Variants in SPATA6 observed in about 807,000 individuals in gnomAD.
SPATA6 encodes spermatogenesis-associated protein 6.
In SPATA6, 56 loss-of-function variants were observed where a neutral mutation model predicts 65.3. The ratio of observed to expected loss-of-function variants is 0.86; its 90% CI spans 0.69 to 1.07. The LOEUF is 1.07. SPATA6 is among the 50% of genes least tolerant of loss of function. The pLI, the probability that SPATA6 is intolerant of heterozygous loss-of-function variation, is 0.00. For synonymous variants in SPATA6, 199 were observed against 213.2 expected, an observed-to-expected ratio of 0.93 and a Z score of 0.58; for missense variants, 590 against 594.8, an observed-to-expected ratio of 0.99 and a Z score of 0.08.
At position 48,297,881 on chromosome 1, in the gene SPATA6, T is replaced by C. The variant is rs1236565362; in HGVS notation, c.*832A>G. On this transcript the variant is annotated 3_prime_UTR_variant, in exon 13 of 13. Transcript: ENST00000371847. ...GATACTATAATAGTGCCTTGGGCCA[T>C]ATGGTACTTACACAAATTCCAAGCA... The C allele has an allele frequency of 6.6e-6, 1 of 152,112 alleles. No individual in the cohort carries two copies. The highest frequency in any genetic ancestry group is 2.4e-5 in the African/African-American group (1 of 41,436). The allele number at this position is 152,112 out of a possible 1,614,324, so 9.4% of individuals were successfully genotyped here. A position where few individuals can be genotyped will look rare whatever the true frequency, so the allele number is the denominator to read the frequency against.
Position 48,360,587 on chromosome 1 carries a change from G to A in SPATA6, c.910-817C>T, listed in dbSNP as rs539857091. Among the ~76,000 whole-genome samples, 4 of 152,262 alleles carry A rather than the reference G, an allele frequency of 2.6e-5. No homozygotes were observed. In the South Asian group the frequency reaches 6.2e-4, roughly 24 times the overall value. ...CTTGATATTAGCAAGGGAGCCAGTG[G>A]AGCTCGACTGGGTAGTAAGAAATGA... On this transcript the variant is annotated intron_variant, in intron 9 of 12. Coordinates refer to ENST00000371847, the MANE Select transcript of SPATA6 (RefSeq NM_019073.4).
chr1:48,419,986 T>C (rs1212987955), intron 3 of SPATA6, among the ~76,000 whole-genome samples: 1 of 152,136 alleles, frequency 6.6e-6, no homozygotes, highest in African/African-American at 2.4e-5. Flanking sequence ...TGTATGCCAA[T>C]ACTGACTGAT....
intron 11 of SPATA6, among the ~76,000 whole-genome samples, chr1:48,316,847 C>T (rs1281682092): frequency 1.3e-5 from 2 of 151,760 alleles, no homozygotes; most frequent in Non-Finnish European, 2.9e-5. Context: ...AAAAAAACAA[C>T]CCCATCAAAA....
At chr1:48,263,327 T>G in the SPATA6 span, 1 of 98,528 alleles carries the variant, frequency 1.0e-5, no homozygotes, top group South Asian at 3.3e-4. Flanking sequence ...CAGCTGAAAT[T>G]GGAGTTTTTT....
intron 11 of SPATA6, among the ~76,000 whole-genome samples, chr1:48,343,659 T>C (rs1222103918): frequency 6.6e-6 from 1 of 152,118 alleles, no homozygotes. Context: ...TAGATCTCAA[T>C]TTAAAGGTAC....
intron 11 of SPATA6, among the ~76,000 whole-genome samples, chr1:48,343,976 A>T (rs1190542838): frequency 6.6e-6 from 1 of 152,152 alleles, no homozygotes; most frequent in Non-Finnish European, 1.5e-5. Flanking sequence ...GGAAATAAAG[A>T]ATATAGAACA....
intron 11 of SPATA6, among the ~76,000 whole-genome samples, chr1:48,307,033 T>G (rs191306310): frequency 2.8e-3 from 419 of 152,006 alleles, no homozygotes; most frequent in African/African-American, 8.5e-3. Flanking sequence ...ATCTTTTTCT[T>G]GAATGGCATA....
chr1:48,417,470 T>C (rs1182143103), intron 3 of SPATA6, among the ~76,000 whole-genome samples: 2 of 152,114 alleles, frequency 1.3e-5, no homozygotes, highest in Non-Finnish European at 2.9e-5. Flanking sequence ...CAAATCACAA[T>C]GTATGGAATT....
rs75387339 is a variant in SPATA6 at position 48,466,050 on chromosome 1, A to G, written c.51+5908T>C. Among the ~76,000 whole-genome samples, 1,304 of 152,232 alleles carry G rather than the reference A, an allele frequency of 8.6e-3. 21 individuals are homozygous for G. Among genetic ancestry groups the G allele is most frequent in the African/African-American group, 0.03 (1,263 of 41,536 alleles). ...CACAGGACTCCCCAACCACTGTGAC[A>G]AACAAAAGTAGTCTAGTCAATTTGT... On this transcript the variant is annotated intron_variant, in intron 1 of 12. Coordinates refer to ENST00000371847, the MANE Select transcript of SPATA6 (RefSeq NM_019073.4).
chr1:48,447,001 G>A (rs1262277611), intron 3 of SPATA6, among the ~76,000 whole-genome samples: 2 of 152,076 alleles, frequency 1.3e-5, no homozygotes, highest in African/African-American at 4.8e-5. Flanking sequence ...CTGCTAACAT[G>A]AGGATGATGA....
intron 4 of SPATA6, among the ~76,000 whole-genome samples, chr1:48,412,872 G>A (rs1377918642): frequency 2.0e-5 from 3 of 152,138 alleles, no homozygotes; most frequent in East Asian, 1.9e-4. Flanking sequence ...GCCTGCCTCA[G>A]CCTCCCAAAG....
At chr1:48,323,376 C>A (rs1645655696) in intron 11 of SPATA6, among the ~76,000 whole-genome samples, 2 of 147,754 alleles carry the variant, frequency 1.4e-5, no homozygotes, top group Middle Eastern at 3.4e-3. Context: ...AATGAGAACA[C>A]ATGGACACAG....
chr1:48,401,225 T>A (rs1336948916), intron 6 of SPATA6, among the ~76,000 whole-genome samples: 3 of 152,044 alleles, frequency 2.0e-5, no homozygotes, highest in Non-Finnish European at 4.4e-5. Context: ...TAATATCTCT[T>A]ACCTCCAGAC....
intron 7 of SPATA6, among the ~76,000 whole-genome samples, chr1:48,397,255 G>C (rs1402430564): frequency 6.6e-6 from 1 of 151,714 alleles, no homozygotes; most frequent in Non-Finnish European, 1.5e-5. Context: ...CCATTTAGGA[G>C]ATGAAGAAAT....
intron 11 of SPATA6, among the ~76,000 whole-genome samples, chr1:48,347,591 A>T (rs1347359528): frequency 6.7e-6 from 1 of 150,174 alleles, no homozygotes; most frequent in Non-Finnish European, 1.5e-5. Context: ...ATATATTTTA[A>T]CTTTGCTAAA....
intron 3 of SPATA6, among the ~76,000 whole-genome samples, chr1:48,427,434 CAAAAAA>C (rs760835892): frequency 7.0e-4 from 47 of 67,622 alleles, no homozygotes; most frequent in South Asian, 3.3e-3. Flanking sequence ...AAAATTGAGG[CAAAAAA>C]AAAAAAAAAA....
chr1:48,312,934 A>G (rs1557543163), intron 11 of SPATA6, among the ~76,000 whole-genome samples: 1 of 152,240 alleles, frequency 6.6e-6, no homozygotes, highest in East Asian at 1.9e-4. Flanking sequence ...ATCAACTGTA[A>G]GAAAGGGCAT....
the SPATA6 span, among the ~76,000 whole-genome samples, chr1:48,277,319 C>G: frequency 7.2e-5 from 11 of 152,238 alleles, no homozygotes; most frequent in South Asian, 6.2e-4. Context: ...GAGTGCCAGA[C>G]AGTGGGTGCA....
rs1400656072 is a variant in SPATA6, at chr1:48,413,492, C to T, written c.239-341G>A. On this transcript the variant is annotated intron_variant, in intron 3 of 12. Transcript: ENST00000371847. ...TTTTTTTTTTGCATTTTAGTAGAAACGAGGTTTCACCATGTTGGCCAGGAT... is the reference window on the plus strand; with the variant it reads ...TTTTTTTTTTGCATTTTAGTAGAAATGAGGTTTCACCATGTTGGCCAGGAT... Among the ~76,000 whole-genome samples, 8 of 127,240 alleles carry T rather than the reference C, an allele frequency of 6.3e-5. No homozygotes were observed. The South Asian group carries it at 1.2e-3, about 20-fold the overall frequency. The allele number at this position is 127,240 out of a possible 152,430, so 83.5% of individuals were successfully genotyped here.
Sources: allele counts gnomAD v4.1 joint callset (sites outside exome capture counted in the v4.1 genomes callset), GRCh38; gene constraint gnomAD v4.1.1; transcripts MANE v1.5; gene names NCBI Gene and HGNC (gene_info 2026-07-23, HGNC 2026-07-21).